The following CTNND2 variants were observed in gnomAD, a reference collection of about 807,000 sequenced individuals.
The protein encoded by CTNND2 is catenin delta 2, also known as catenin delta-2.
In CTNND2, 22 loss-of-function variants were observed where a neutral mutation model predicts 144.4. The observed-to-expected ratio is 0.15, with a 90% confidence interval of 0.11 to 0.22. CTNND2 has a LOEUF of 0.22. Among genes scored for constraint, CTNND2 ranks in the 10% least tolerant of loss-of-function variants. CTNND2 has a pLI of 1.00. For synonymous variants in CTNND2, 751 were observed against 695.6 expected, an observed-to-expected ratio of 1.08 and a Z score of -1.25; for missense variants, 1,353 against 1,618.8, an observed-to-expected ratio of 0.84 and a Z score of 2.82.
At chr5:11,023,009 AAGG>A in intron 16 of CTNND2, 30 bp from the exon 17 acceptor site, 1 of 1,600,324 alleles carries the variant, frequency 6.2e-7, no homozygotes, top group Non-Finnish European at 8.6e-7. Context: ...GAAGAGTTGA[AAGG>A]AGGTCAAGGT....
intron 2 of CTNND2, among the ~76,000 whole-genome samples, chr5:11,610,724 G>C (rs1780276742): frequency 6.6e-6 from 1 of 152,182 alleles, no homozygotes. Context: ...TCTCTAAGCA[G>C]TGTGATCAAT....
chr5:11,199,919 T>A (rs1209896510), intron 10 of CTNND2, among the ~76,000 whole-genome samples: 1 of 152,222 alleles, frequency 6.6e-6, no homozygotes, highest in African/African-American at 2.4e-5. Flanking sequence ...TAACTTCATA[T>A]TGAGTGCCTT....
intron 3 of CTNND2, among the ~76,000 whole-genome samples, chr5:11,440,162 A>C (rs1243280616): frequency 1.3e-5 from 2 of 152,160 alleles, no homozygotes; most frequent in Non-Finnish European, 2.9e-5. Flanking sequence ...CAGATGATAA[A>C]ATTTGTCCAA....
At chr5:11,872,994 C>T (rs1735272358) in intron 1 of CTNND2, among the ~76,000 whole-genome samples, 1 of 152,156 alleles carries the variant, frequency 6.6e-6, no homozygotes, top group Non-Finnish European at 1.5e-5. Context: ...CCAAAATCGA[C>T]AAATGGGATC....
chr5:11,615,498 G>T (rs1046171305), intron 2 of CTNND2, among the ~76,000 whole-genome samples: 1 of 152,160 alleles, frequency 6.6e-6, no homozygotes, highest in African/African-American at 2.4e-5. Flanking sequence ...AATTAGAAAT[G>T]ATGGAGATAG....
intron 3 of CTNND2, among the ~76,000 whole-genome samples, chr5:11,455,847 G>C (rs549166147): frequency 4.6e-5 from 7 of 151,970 alleles, no homozygotes; most frequent in African/African-American, 1.7e-4. Context: ...TTTTCCATCC[G>C]AACCAAGAAT....
intron 1 of CTNND2, among the ~76,000 whole-genome samples, chr5:11,742,228 C>T (rs1788058660): frequency 6.6e-6 from 1 of 152,148 alleles, no homozygotes; most frequent in Non-Finnish European, 1.5e-5. Flanking sequence ...GACTTCTAAA[C>T]ATTGCTTGTC....
chr5:11,755,973 T>C (rs182230625), intron 1 of CTNND2, among the ~76,000 whole-genome samples: 1 of 151,802 alleles, frequency 6.6e-6, no homozygotes, highest in East Asian at 1.9e-4. Context: ...GAAGAACCAT[T>C]GCTGAAGAAC....
At position 11,150,895 on chromosome 5, in the gene CTNND2, A is replaced by G. The variant is rs554632507; in HGVS notation, c.2159+8681T>C. On this transcript the variant is annotated intron_variant, in intron 12 of 21. Coordinates refer to ENST00000304623, the MANE Select transcript of CTNND2 (RefSeq NM_001332.4). ...CCCGCCTTGGCCTCTCAAAGTGCTGAGATGACAGGCGTGAGCCACCGCGTC... is the reference window on the plus strand; with the variant it reads ...CCCGCCTTGGCCTCTCAAAGTGCTGGGATGACAGGCGTGAGCCACCGCGTC... 2.6e-5 allele frequency among the ~76,000 whole-genome samples: 4 copies of G among 151,984 alleles called. No individual in the cohort carries two copies. The South Asian group carries it at 8.3e-4, about 32-fold the overall frequency.
chr5:11,659,790 T>C (rs529046776), intron 2 of CTNND2, among the ~76,000 whole-genome samples: 1 of 152,256 alleles, frequency 6.6e-6, no homozygotes, highest in East Asian at 1.9e-4. Context: ...CTGAGAACAG[T>C]TGCTTCATAT....
At chr5:11,898,327 T>C (rs1415726271) in intron 1 of CTNND2, among the ~76,000 whole-genome samples, 2 of 152,258 alleles carry the variant, frequency 1.3e-5, no homozygotes, top group Admixed American at 6.5e-5. Flanking sequence ...CTGTGGTTTA[T>C]GTAATTGCAT....
chr5:11,192,811 C>G lies in CTNND2; in HGVS notation c.1975+6637G>C, dbSNP rs568040735. ...CCAGAACCGTAAGAAAATCAATCTT[C>G]CTTGTGTTAAGCTGCTAAATGTGTG... On this transcript the variant is annotated intron_variant, in intron 11 of 21. Transcript: ENST00000304623. Among the ~76,000 whole-genome samples the G allele has an allele frequency of 1.7e-3, 260 of 152,272 alleles. 2 individuals carry two copies. The highest frequency in any genetic ancestry group is 1.8e-3 in the Non-Finnish European group (122 of 68,026).
chr5:11,496,073 G>A (rs188415948), intron 3 of CTNND2, among the ~76,000 whole-genome samples: 4 of 152,066 alleles, frequency 2.6e-5, no homozygotes, highest in Admixed American at 1.3e-4. Context: ...ATTCTGAATC[G>A]GGCTACACTA....
chr5:11,148,352 G>A (rs1223784021), intron 12 of CTNND2, among the ~76,000 whole-genome samples: 1 of 152,188 alleles, frequency 6.6e-6, no homozygotes, highest in African/African-American at 2.4e-5. Flanking sequence ...TTGAATGAAA[G>A]GGATAGAAAG....
intron 1 of CTNND2, among the ~76,000 whole-genome samples, chr5:11,760,322 C>T (rs557829228): frequency 3.3e-5 from 5 of 152,208 alleles, no homozygotes; most frequent in African/African-American, 1.2e-4. Flanking sequence ...ATCTACTCCA[C>T]AGGAGCCTGG....
chr5:11,255,756 C>G (rs1744168001), intron 9 of CTNND2, among the ~76,000 whole-genome samples: 2 of 152,136 alleles, frequency 1.3e-5, no homozygotes, highest in African/African-American at 4.8e-5. Context: ...CTCCTCCCAG[C>G]ATCAATCAGT....
chr5:10,977,064 C>T (rs1736582573), intron 21 of CTNND2, among the ~76,000 whole-genome samples: 1 of 152,206 alleles, frequency 6.6e-6, no homozygotes, highest in African/African-American at 2.4e-5. Flanking sequence ...AATTCTGGCT[C>T]ATGCTCCAAT....
At chr5:11,524,691 A>G (rs1234684045) in intron 3 of CTNND2, among the ~76,000 whole-genome samples, 2 of 152,238 alleles carry the variant, frequency 1.3e-5, no homozygotes, top group African/African-American at 4.8e-5. Context: ...TTGTTTTAAC[A>G]AAGTACCTAC....
At chr5:11,463,458 T>C (rs1766392669) in intron 3 of CTNND2, among the ~76,000 whole-genome samples, 2 of 152,170 alleles carry the variant, frequency 1.3e-5, no homozygotes, top group Admixed American at 1.3e-4. Context: ...TATAAGCACA[T>C]ACATGATGGT....
Sources: allele counts gnomAD v4.1 joint callset (sites outside exome capture counted in the v4.1 genomes callset), GRCh38; gene constraint gnomAD v4.1.1; transcripts MANE v1.5; gene names NCBI Gene and HGNC (gene_info 2026-07-23, HGNC 2026-07-21).